COL22A1: variants seen among roughly 807,000 people sequenced by gnomAD.
COL22A1 encodes the protein collagen alpha-1(XXII) chain.
A neutral mutation model predicts 248.9 loss-of-function variants in COL22A1; 221 were observed. The ratio of observed to expected loss-of-function variants is 0.89; its 90% CI spans 0.80 to 0.99. COL22A1 has a LOEUF of 0.99. COL22A1 is among the 50% of genes least tolerant of loss of function. COL22A1 has a pLI of 0.00. For missense variants in COL22A1, 2,240 were observed against 2,179.0 expected (o/e 1.03, Z -0.56); for synonymous variants, 891 against 793.4 (o/e 1.12, Z -2.07).
intron 45 of COL22A1, among the ~76,000 whole-genome samples, chr8:138,655,429 G>A (rs569361844): frequency 6.6e-6 from 1 of 152,122 alleles, no homozygotes; most frequent in African/African-American, 2.4e-5. Flanking sequence ...CATGCCCATG[G>A]CTCACTGCAG....
intron 16 of COL22A1, among the ~76,000 whole-genome samples, chr8:138,763,444 C>A (rs909090680): frequency 6.6e-6 from 1 of 152,082 alleles, no homozygotes. Flanking sequence ...AACCTTCCTG[C>A]TGAGGATAGG....
Position 138,751,487 on chromosome 8 carries a change from C to T in COL22A1, c.2056G>A (p.Asp686Asn), listed in dbSNP as rs189570333. Reference protein sequence around the residue: ...ARGPIGPEGRDGPPGLQGLRG... With the variant: ...ARGPIGPEGRNGPPGLQGLRG... Reference sequence around the variant, plus strand: ...AGACCTTGCAAACCAGGAGGTCCATCCCTGCCTTCTGGGCCTATTGGACCC... The same window carrying T: ...AGACCTTGCAAACCAGGAGGTCCATTCCTGCCTTCTGGGCCTATTGGACCC... Residue 686 changes from aspartate (D) to asparagine (N), a missense_variant, in exon 22 of 65, where the codon GAT becomes AAT. Asp to Asn is a conservative substitution (Grantham distance 23). Transcript: ENST00000303045. The T allele has an allele frequency of 1.1e-4, 175 of 1,612,650 alleles. No homozygotes were observed. The Admixed American group carries it at 1.2e-3, about 11-fold the overall frequency.
chr8:138,891,429 A>C (rs941386172), intron 1 of COL22A1, among the ~76,000 whole-genome samples: 2 of 152,230 alleles, frequency 1.3e-5, no homozygotes, highest in Non-Finnish European at 2.9e-5. Flanking sequence ...AGGGCGCCAA[A>C]GCCCCTGCTC....
In COL22A1 at chr8:138,724,553, G is replaced by T; in HGVS notation, c.2247+62C>A. ...TCTGGGCCAGCTGCAAGGGCTCAGT[G>T]CTCCCCCCAGAGCAATGGGGAGAGG... On this transcript the variant is annotated intron_variant, in intron 25 of 64. Transcript: ENST00000303045. 3.3e-6 allele frequency: 5 copies of T among 1,508,468 alleles called. No homozygotes were observed. The South Asian group carries it at 3.5e-5, about 10-fold the overall frequency. The allele number at this position is 1,508,468 out of a possible 1,614,324, so 93.4% of individuals were successfully genotyped here. A position where few individuals can be genotyped will look rare whatever the true frequency, so the allele number is the denominator to read the frequency against.
intron 12 of COL22A1, among the ~76,000 whole-genome samples, chr8:138,795,158 C>T (rs1375043173): frequency 1.3e-5 from 2 of 152,072 alleles, no homozygotes; most frequent in Admixed American, 1.3e-4. Context: ...TGGTGCTGTG[C>T]TTTTAAGTCA....
chr8:138,762,432 G>T lies in COL22A1; in HGVS notation c.1838C>A (p.Pro613His). Reference protein sequence around the residue: ...ERGLDGFPGKPGDTGQQGRPG... With the variant: ...ERGLDGFPGKHGDTGQQGRPG... Reference sequence around the variant, plus strand: ...ACCTACCTGCTGTCCTGTGTCCCCAGGCTTCCCAGGGAATCCATCCAGGCC... The same window carrying T: ...ACCTACCTGCTGTCCTGTGTCCCCATGCTTCCCAGGGAATCCATCCAGGCC... Residue 613 changes from proline (P) to histidine (H), a missense_variant, in exon 17 of 65, where the codon CCT becomes CAT. Physicochemically the swap from Pro to His is moderately conservative, Grantham distance 77. Transcript: ENST00000303045. 6.2e-7 allele frequency: 1 copy of T among 1,614,082 alleles called. No homozygotes were observed. Among genetic ancestry groups the T allele is most frequent in the Non-Finnish European group, 8.5e-7 (1 of 1,179,984 alleles).
chr8:138,814,450 C>T (rs1465504100), intron 7 of COL22A1, among the ~76,000 whole-genome samples: 1 of 151,952 alleles, frequency 6.6e-6, no homozygotes, highest in Admixed American at 6.6e-5. Context: ...TCTGTGTGTC[C>T]CTCTCTCTCT....
chr8:138,703,892 A>G (rs1228896915), intron 30 of COL22A1, among the ~76,000 whole-genome samples: 5 of 152,192 alleles, frequency 3.3e-5, no homozygotes, highest in African/African-American at 7.2e-5. Context: ...AACCCGTGAC[A>G]GATTGTAACT....
At chr8:138,875,501 A>G (rs1823647631) in intron 3 of COL22A1, among the ~76,000 whole-genome samples, 1 of 152,212 alleles carries the variant, frequency 6.6e-6, no homozygotes, top group Non-Finnish European at 1.5e-5. Flanking sequence ...ACTCTGCATC[A>G]AGGGGTTCTG....
At chr8:138,779,436 TA>T in intron 14 of COL22A1, 72 bp downstream of exon 14, 2 of 1,062,204 alleles carry the variant, frequency 1.9e-6, no homozygotes, top group South Asian at 1.3e-5. Flanking sequence ...CTTCTGCACC[TA>T]AAGCAACTGG....
At chr8:138,819,641 T>G (rs1316494) in intron 7 of COL22A1, among the ~76,000 whole-genome samples, 96,609 of 147,528 alleles carry the variant, frequency 0.65, 35,997 homozygotes, top group Non-Finnish European at 0.83. Flanking sequence ...TATAATTATA[T>G]AGATATAAAT....
chr8:138,811,364 T>C (rs1275672607), intron 9 of COL22A1, among the ~76,000 whole-genome samples: 3 of 151,902 alleles, frequency 2.0e-5, no homozygotes, highest in Admixed American at 1.3e-4. Context: ...CACACATATA[T>C]ATATATACAC....
intron 7 of COL22A1, among the ~76,000 whole-genome samples, chr8:138,816,245 G>C (rs1818679062): frequency 6.6e-6 from 1 of 152,098 alleles, no homozygotes; most frequent in Non-Finnish European, 1.5e-5. Context: ...TCTCAGGTGG[G>C]GTGAGAGGTC....
At chr8:138,878,959 G>T (rs566004124) in intron 2 of COL22A1, among the ~76,000 whole-genome samples, 130 of 152,212 alleles carry the variant, frequency 8.5e-4, no homozygotes, top group South Asian at 5.6e-3. Flanking sequence ...GGTGAGCCGA[G>T]ATTGCACCAC....
At chr8:138,853,127 A>T (rs974913448) in intron 3 of COL22A1, among the ~76,000 whole-genome samples, 5 of 152,176 alleles carry the variant, frequency 3.3e-5, no homozygotes, top group African/African-American at 1.2e-4. Context: ...GTGAGCAGAG[A>T]TCACACCACT....
At chr8:138,691,870 GTTTGTGGAGGTGTA>G (rs1826977570) in intron 35 of COL22A1, among the ~76,000 whole-genome samples, 1 of 144,550 alleles carries the variant, frequency 6.9e-6, no homozygotes, top group African/African-American at 2.5e-5. Context: ...GTGTGTGCAT[GTTTGTGGAGGTGTA>G]TGTGTGGAGG....
intron 41 of COL22A1, among the ~76,000 whole-genome samples, chr8:138,675,666 G>A (rs1372358040): frequency 6.6e-6 from 1 of 152,174 alleles, no homozygotes; most frequent in African/African-American, 2.4e-5. Context: ...AGGGTATGAT[G>A]TCTTTATCAA....
At position 138,606,587 on chromosome 8, in the gene COL22A1, G is replaced by C; in HGVS notation, c.4033-135C>G. On this transcript the variant is annotated intron_variant, in intron 57 of 64. Coordinates refer to ENST00000303045, the MANE Select transcript of COL22A1 (RefSeq NM_152888.3). ...CACACAAATCCTCCCATGATGGAGG[G>C]GCATGGGTTAGGAAAAGACACGGGG... The C allele has an allele frequency of 7.1e-6, 6 of 845,078 alleles. No individual in the cohort carries two copies. In the South Asian group the frequency reaches 9.8e-5, roughly 14 times the overall value. 52.3% of individuals were successfully genotyped at this position (845,078 alleles called of 1,614,324 possible). A position where few individuals can be genotyped will look rare whatever the true frequency, so the allele number is the denominator to read the frequency against.
intron 3 of COL22A1, among the ~76,000 whole-genome samples, chr8:138,848,778 C>G (rs1416706527): frequency 6.6e-6 from 1 of 152,216 alleles, no homozygotes; most frequent in African/African-American, 2.4e-5. Context: ...ACTCATCAGA[C>G]AGGAGAAATG....
Sources: allele counts gnomAD v4.1 joint callset (sites outside exome capture counted in the v4.1 genomes callset), GRCh38; gene constraint gnomAD v4.1.1; transcripts MANE v1.5; gene names NCBI Gene and HGNC (gene_info 2026-07-23, HGNC 2026-07-21).